The following ITGB1 variants were observed in gnomAD, a reference collection of about 807,000 sequenced individuals.
ITGB1 encodes the protein integrin subunit beta 1.
Under a neutral mutation model 86.5 loss-of-function variants are expected in ITGB1, and 24 were observed. The ratio of observed to expected loss-of-function variants is 0.28; its 90% confidence interval spans 0.20 to 0.39. The LOEUF (loss-of-function observed/expected upper bound fraction) is 0.39, where lower values mean the gene tolerates loss of function less well. Ranked by LOEUF, ITGB1 falls within the 10% of genes least tolerant of loss-of-function variation. ITGB1 has a pLI of 1.00. For synonymous variants in ITGB1, 323 were observed against 316.8 expected (o/e 1.02, Z -0.21); for missense variants, 556 against 946.9 (o/e 0.59, Z 5.42).
At chr10:32,917,243 A>G (rs2094934781) in intron 11 of ITGB1, among the ~76,000 whole-genome samples, 1 of 152,250 alleles carries the variant, frequency 6.6e-6, no homozygotes, top group African/African-American at 2.4e-5. Context: ...AAAACCTCAG[A>G]AGAAAATCTA....
At chr10:32,912,298 G>A (rs7087743) in intron 11 of ITGB1, among the ~76,000 whole-genome samples, 174 bp from the exon 12 acceptor site, 8 of 152,288 alleles carry the variant, frequency 5.3e-5, no homozygotes, top group South Asian at 2.1e-4. Context: ...GGGCTTGCTG[G>A]ACAGTAGGTG....
intron 1 of ITGB1, among the ~76,000 whole-genome samples, chr10:32,940,981 C>T (rs527657825): frequency 1.3e-5 from 2 of 152,160 alleles, no homozygotes; most frequent in South Asian, 4.2e-4. Context: ...AGTTCAAGGA[C>T]AAAAATACAA....
chr10:32,928,541 G>A (rs2094972810), intron 4 of ITGB1, among the ~76,000 whole-genome samples: 1 of 152,022 alleles, frequency 6.6e-6, no homozygotes. Flanking sequence ...GTTTATAAGA[G>A]AAGAAAACAA....
intron 11 of ITGB1, among the ~76,000 whole-genome samples, chr10:32,913,051 G>C (rs186557005): frequency 4.3e-4 from 66 of 152,312 alleles, no homozygotes; most frequent in Non-Finnish European, 7.9e-4. Flanking sequence ...GGCAAACAGG[G>C]TCTGGAGTGG....
At chr10:32,926,554 C>T (rs1398864437) in intron 5 of ITGB1, among the ~76,000 whole-genome samples, 2 of 151,842 alleles carry the variant, frequency 1.3e-5, no homozygotes, top group Non-Finnish European at 2.9e-5. Context: ...AACTCTTGCT[C>T]CTGCTCCCAC....
intron 3 of ITGB1, 45 bp from the exon 4 acceptor site, chr10:32,930,089 T>C (rs1272645771): frequency 2.5e-6 from 2 of 801,564 alleles, no homozygotes; most frequent in South Asian, 1.5e-5. Flanking sequence ...ATTGTAATGG[T>C]CAAACCTTTT....
intron 6 of ITGB1, among the ~76,000 whole-genome samples, chr10:32,925,150 C>T (rs977317559): frequency 1.3e-5 from 2 of 152,106 alleles, no homozygotes; most frequent in African/African-American, 4.8e-5. Context: ...AGAGTAGGTA[C>T]GCAGGACAAA....
intron 11 of ITGB1, among the ~76,000 whole-genome samples, chr10:32,912,913 T>A (rs2137174919): frequency 6.6e-6 from 1 of 152,294 alleles, no homozygotes; most frequent in African/African-American, 2.4e-5. Flanking sequence ...CACCTCCTAG[T>A]AGGGGCTGAC....
chr10:32,912,173 A>G lies in ITGB1; in HGVS notation c.1470-49T>C, dbSNP rs763148237. ...AATCACACAAAACAAAAATAATTTA[A>G]GAGGTTCCAAGATGGCCAAACAGGA... On this transcript the variant is annotated intron_variant, in intron 11 of 15. Transcript: ENST00000302278. 2.0e-6 allele frequency: 3 copies of G among 1,492,948 alleles called. No individual in the cohort carries two copies. The East Asian group carries it at 6.8e-5, about 34-fold the overall frequency. 92.5% of individuals were successfully genotyped at this position (1,492,948 alleles called of 1,614,324 possible).
intron 11 of ITGB1, among the ~76,000 whole-genome samples, chr10:32,913,365 T>G (rs2094919954): frequency 6.6e-6 from 1 of 152,086 alleles, no homozygotes; most frequent in Admixed American, 6.6e-5. Context: ...AATAACAAAC[T>G]TGTCCGAGCT....
At chr10:32,907,382 C>G (rs1213037409) in intron 15 of ITGB1, among the ~76,000 whole-genome samples, 1 of 152,074 alleles carries the variant, frequency 6.6e-6, no homozygotes, top group Non-Finnish European at 1.5e-5. Flanking sequence ...AAGATGAATA[C>G]ACAAAGGCCA....
chr10:32,944,741 G>T, intron 1 of ITGB1: 1 of 705,632 alleles, frequency 1.4e-6, no homozygotes, highest in South Asian at 1.4e-5. Flanking sequence ...GCCCTTTGAG[G>T]TCATTAAACA....
intron 6 of ITGB1, among the ~76,000 whole-genome samples, chr10:32,924,066 G>C (rs1413957817): frequency 1.3e-5 from 2 of 152,146 alleles, no homozygotes; most frequent in Non-Finnish European, 2.9e-5. Flanking sequence ...CCAGCACACT[G>C]CTTGGCAAGC....
chr10:32,947,328 A>G (rs1181459935), intron 1 of ITGB1, among the ~76,000 whole-genome samples: 1 of 151,954 alleles, frequency 6.6e-6, no homozygotes, highest in Non-Finnish European at 1.5e-5. Flanking sequence ...AAACTGCTAG[A>G]CCAAGGTGTG....
chr10:32,945,541 G>A (rs2095029511), intron 1 of ITGB1, among the ~76,000 whole-genome samples: 1 of 152,084 alleles, frequency 6.6e-6, no homozygotes, highest in Non-Finnish European at 1.5e-5. Flanking sequence ...GGAGCTTGCA[G>A]TGAGCTGAGA....
At chr10:32,943,845 T>C (rs968099354) in intron 1 of ITGB1, among the ~76,000 whole-genome samples, 4 of 152,150 alleles carry the variant, frequency 2.6e-5, no homozygotes, top group African/African-American at 9.7e-5. Context: ...ACAAAGATAC[T>C]ATCTTTACCA....
chr10:32,942,282 G>GT (rs1337599329), intron 1 of ITGB1, among the ~76,000 whole-genome samples: 2 of 152,128 alleles, frequency 1.3e-5, no homozygotes, highest in African/African-American at 2.4e-5. Flanking sequence ...ATGCATGACT[G>GT]TTTTTTTCTG....
At chr10:32,945,492 G>A (rs374382902) in intron 1 of ITGB1, among the ~76,000 whole-genome samples, 15 of 151,884 alleles carry the variant, frequency 9.9e-5, no homozygotes, top group Non-Finnish European at 1.3e-4. Flanking sequence ...CCAGCTACTC[G>A]GGAGGCTGAG....
chr10:32,905,043 TAAAA>T, intron 15 of ITGB1, among the ~76,000 whole-genome samples: 1 of 142,440 alleles, frequency 7.0e-6, no homozygotes, highest in African/African-American at 2.6e-5. Context: ...AAATATGTAT[TAAAA>T]AAAAAAAAAA....
Sources: allele counts gnomAD v4.1 joint callset (sites outside exome capture counted in the v4.1 genomes callset), GRCh38; gene constraint gnomAD v4.1.1; transcripts MANE v1.5; gene names NCBI Gene and HGNC (gene_info 2026-07-23, HGNC 2026-07-21).